The following ASIC2 variants were observed in gnomAD, a reference collection of about 807,000 sequenced individuals.
ASIC2 encodes acid-sensing ion channel 2.
In ASIC2, 25 loss-of-function variants were observed where a neutral mutation model predicts 57.3. That is an observed-to-expected ratio of 0.44 (90% CI 0.32 to 0.61). The LOEUF is 0.61. ASIC2 is among the 20% of genes least tolerant of loss of function. The probability of loss-of-function intolerance (pLI) is 0.06; values close to 1 mark genes in which losing one functional copy is unlikely to be tolerated. For missense variants in ASIC2, 641 were observed against 738.1 expected, an observed-to-expected ratio of 0.87 and a Z score of 1.52; for synonymous variants, 319 against 307.5, an observed-to-expected ratio of 1.04 and a Z score of -0.39.
intron 1 of ASIC2, among the ~76,000 whole-genome samples, chr17:34,142,450 C>T (rs1229358527): frequency 2.0e-5 from 3 of 152,214 alleles, no homozygotes; most frequent in African/African-American, 4.8e-5. Flanking sequence ...AGAAAAATCT[C>T]ACATAGGTTG....
rs1434267334 is a variant in ASIC2 at position 33,520,667 on chromosome 17, C to T, written c.556-408600G>A. Among the ~76,000 whole-genome samples the T allele has an allele frequency of 3.9e-5, 6 of 152,342 alleles. No individual in the cohort carries two copies. The East Asian group carries it at 7.7e-4, about 20-fold the overall frequency. ...CTGATCCCCTTACCCACGGACAGGG[C>T]CCCTCTTGGGGCTATGAAGGGTGGA... On this transcript the variant is annotated intron_variant, in intron 1 of 9. Transcript: ENST00000359872.
chr17:33,089,057 GA>G (rs1378172546), intron 2 of ASIC2, 67 bp from the exon 3 acceptor site: 4 of 1,595,946 alleles, frequency 2.5e-6, no homozygotes, highest in Non-Finnish European at 3.4e-6. Context: ...TCCTGGGATT[GA>G]AAAGCTCAAA....
At chr17:33,776,203 C>A (rs1406997107) in intron 1 of ASIC2, among the ~76,000 whole-genome samples, 3 of 151,536 alleles carry the variant, frequency 2.0e-5, no homozygotes, top group African/African-American at 7.3e-5. Context: ...GAAATCCTAA[C>A]CCTCAAGGTT....
chr17:33,358,003 G>A (rs1218423886), intron 1 of ASIC2, among the ~76,000 whole-genome samples: 1 of 152,146 alleles, frequency 6.6e-6, no homozygotes, highest in African/African-American at 2.4e-5. Context: ...ATTTTAACAA[G>A]TATCCCAGGT....
At chr17:33,309,662 G>A (rs1368202290) in intron 1 of ASIC2, among the ~76,000 whole-genome samples, 3 of 151,846 alleles carry the variant, frequency 2.0e-5, no homozygotes, top group Admixed American at 1.3e-4. Context: ...CCAAAGGATG[G>A]CAATACTGTC....
chr17:33,111,803 C>G, intron 2 of ASIC2, 114 bp downstream of exon 2: 3 of 1,422,580 alleles, frequency 2.1e-6, no homozygotes, highest in Non-Finnish European at 2.8e-6. Context: ...GTCACAAACC[C>G]CTTGCTGGAG....
chr17:33,188,735 G>C (rs1354415171), intron 1 of ASIC2, among the ~76,000 whole-genome samples: 1 of 151,972 alleles, frequency 6.6e-6, no homozygotes, highest in African/African-American at 2.4e-5. Flanking sequence ...CAAAAGTAAA[G>C]ATTTTTTTCA....
intron 1 of ASIC2, among the ~76,000 whole-genome samples, chr17:33,213,971 A>AG (rs1172861620): frequency 6.6e-6 from 1 of 152,138 alleles, no homozygotes; most frequent in Non-Finnish European, 1.5e-5. Flanking sequence ...ATTCTTTCTG[A>AG]GGGGGGCTGA....
At chr17:33,256,425 T>C (rs1282385058) in intron 1 of ASIC2, among the ~76,000 whole-genome samples, 1 of 152,230 alleles carries the variant, frequency 6.6e-6, no homozygotes, top group African/African-American at 2.4e-5. Context: ...TGCTGGGGTC[T>C]TTTTATTATA....
intron 1 of ASIC2, among the ~76,000 whole-genome samples, chr17:33,193,887 G>T (rs915681829): frequency 1.3e-4 from 20 of 152,118 alleles, no homozygotes; most frequent in African/African-American, 4.3e-4. Flanking sequence ...TGCCTTCCTT[G>T]GCTTGGCCAT....
chr17:33,335,533 C>T (rs570479390), intron 1 of ASIC2, among the ~76,000 whole-genome samples: 75 of 150,930 alleles, frequency 5.0e-4, no homozygotes, highest in African/African-American at 1.7e-3. Context: ...AAAGTATAGG[C>T]ATATTCTACC....
At chr17:33,016,924 T>G (rs909705180) in intron 8 of ASIC2, among the ~76,000 whole-genome samples, 2 of 152,066 alleles carry the variant, frequency 1.3e-5, no homozygotes, top group Admixed American at 6.5e-5. Flanking sequence ...GAGCCTGGGA[T>G]AGTGGCATCC....
At chr17:33,496,808 G>C (rs1309896072) in intron 1 of ASIC2, among the ~76,000 whole-genome samples, 3 of 151,872 alleles carry the variant, frequency 2.0e-5, no homozygotes, top group African/African-American at 7.3e-5. Flanking sequence ...AGTAGAGACA[G>C]GGTTTCACCA....
At chr17:33,402,227 T>C (rs1290058054) in intron 1 of ASIC2, among the ~76,000 whole-genome samples, 2 of 152,174 alleles carry the variant, frequency 1.3e-5, no homozygotes, top group Non-Finnish European at 2.9e-5. Flanking sequence ...CATATTTTCT[T>C]CTACTTTATG....
chr17:33,341,083 C>T (rs1907702087), intron 1 of ASIC2, among the ~76,000 whole-genome samples: 1 of 152,134 alleles, frequency 6.6e-6, no homozygotes, highest in East Asian at 1.9e-4. Flanking sequence ...GGATGAATTT[C>T]CTTAAGTTTT....
chr17:33,457,426 C>A (rs758298177), intron 1 of ASIC2, among the ~76,000 whole-genome samples: 1 of 151,944 alleles, frequency 6.6e-6, no homozygotes, highest in African/African-American at 2.4e-5. Context: ...GGGTGGCAAG[C>A]GACTAGGCAA....
chr17:33,520,570 G>A (rs1914709751), intron 1 of ASIC2, among the ~76,000 whole-genome samples: 1 of 152,228 alleles, frequency 6.6e-6, no homozygotes. Context: ...GCAATGTTCA[G>A]CACACAAGGA....
Position 33,291,553 on chromosome 17 carries a change from A to C in ASIC2, c.563T>G (p.Leu188Arg). The C allele has an allele frequency of 6.2e-7, 1 of 1,612,012 alleles. No homozygotes were observed. The highest frequency in any genetic ancestry group is 8.5e-7 in the Non-Finnish European group (1 of 1,179,482). Residue 188 changes from leucine (L) to arginine (R), a missense_variant, in exon 1 of 10, where the codon CTG (leucine) becomes CGG (arginine). Around this residue, in one of 3 missense-constraint regions of ASIC2, gnomAD observed 382 missense variants for 398.0 expected, o/e 0.96. Transcript: ENST00000225823. ...AGGCAGGAAGAGGCGGAAGTCCGCC[A>C]GCTTGCGGAACCACTGGCGGCGCGG... ...DEPRRQWFRK[L>R]ADFRLFLPPR...
At chr17:33,901,846 A>G (rs919892403) in intron 1 of ASIC2, among the ~76,000 whole-genome samples, 1 of 152,162 alleles carries the variant, frequency 6.6e-6, no homozygotes, top group Non-Finnish European at 1.5e-5. Flanking sequence ...TCAGTAGTAT[A>G]ATGTTTGCCT....
Sources: gnomAD v4.1 joint callset for allele counts (sites outside exome capture counted in the v4.1 genomes callset) on GRCh38, gnomAD v4.1.1 for gene constraint, gnomAD v4.1.1 regional missense constraint, MANE v1.5 for transcripts, NCBI Gene and HGNC (gene_info 2026-07-23, HGNC 2026-07-21) for gene names.